ARFGEF3: variants seen among roughly 807,000 people sequenced by gnomAD.
ARFGEF3 encodes the protein brefeldin A-inhibited guanine nucleotide-exchange protein 3.
Under a neutral mutation model 221.7 loss-of-function variants are expected in ARFGEF3, and 96 were observed. That is an observed-to-expected ratio of 0.43 (90% CI 0.37 to 0.51). ARFGEF3 has a LOEUF of 0.51. Among genes scored for constraint, ARFGEF3 ranks in the 20% least tolerant of loss-of-function variants. ARFGEF3 has a pLI of 0.00. For missense variants in ARFGEF3, 2,410 were observed against 2,789.9 expected, an observed-to-expected ratio of 0.86 and a Z score of 3.07; for synonymous variants, 1,145 against 1,126.8, an observed-to-expected ratio of 1.02 and a Z score of -0.32.
rs919320318 is a variant in ARFGEF3, at chr6:138,242,349, C to T, written c.544-603C>T. ...TCTTTTCCTTCCTATTTTCCCTTCC[C>T]TCACAGTTCTGTCTCTGCCCTCATA... On this transcript the variant is annotated intron_variant, in intron 6 of 33. Transcript: ENST00000251691. Among the ~76,000 whole-genome samples the T allele has an allele frequency of 2.0e-5, 3 of 152,162 alleles. No individual in the cohort carries two copies. In the South Asian group the frequency reaches 6.2e-4, roughly 32 times the overall value.
In ARFGEF3 at chr6:138,327,107, G is replaced by A. The variant is rs138217127; in HGVS notation, c.5002-914G>A. Among the ~76,000 whole-genome samples the A allele has an allele frequency of 1.3e-3, 191 of 152,274 alleles. 1 individual carries two copies. Among genetic ancestry groups the A allele is most frequent in the African/African-American group, 4.2e-3 (175 of 41,560 alleles). Reference sequence around the variant, plus strand: ...CACACACTGGGCACCTGTGGGGAACGGGGGAGGGAGAGCATGAGAGCATCA... The same window carrying A: ...CACACACTGGGCACCTGTGGGGAACAGGGGAGGGAGAGCATGAGAGCATCA... On this transcript the variant is annotated intron_variant, in intron 31 of 33. Coordinates refer to ENST00000251691, the MANE Select transcript of ARFGEF3 (RefSeq NM_020340.5).
intron 7 of ARFGEF3, among the ~76,000 whole-genome samples, chr6:138,245,294 T>G (rs1778465032): frequency 6.6e-6 from 1 of 152,160 alleles, no homozygotes; most frequent in Non-Finnish European, 1.5e-5. Context: ...GGAGTGAGGC[T>G]CTGTCTCCAA....
chr6:138,180,520 CAG>C (rs1777057259), intron 2 of ARFGEF3, among the ~76,000 whole-genome samples: 1 of 152,070 alleles, frequency 6.6e-6, no homozygotes, highest in African/African-American at 2.4e-5. Context: ...CTTCTCTTTG[CAG>C]AGTCATACAA....
At chr6:138,256,584 T>G (rs1778686124) in intron 10 of ARFGEF3, among the ~76,000 whole-genome samples, 1 of 152,168 alleles carries the variant, frequency 6.6e-6, no homozygotes, top group South Asian at 2.1e-4. Flanking sequence ...TTTAATGAGA[T>G]TTTATTGTAA....
intron 12 of ARFGEF3, among the ~76,000 whole-genome samples, chr6:138,273,897 C>T (rs1341828582): frequency 6.6e-6 from 1 of 152,084 alleles, no homozygotes; most frequent in Non-Finnish European, 1.5e-5. Context: ...ACAAAATAGA[C>T]CTTATTTTGT....
At chr6:138,192,539 A>G (rs781603078) in intron 2 of ARFGEF3, among the ~76,000 whole-genome samples, 5 of 152,176 alleles carry the variant, frequency 3.3e-5, no homozygotes, top group Middle Eastern at 3.2e-3. Context: ...CCCTGGCTCT[A>G]TCTTTCAGAA....
chr6:138,272,091 C>T (rs780674964), intron 12 of ARFGEF3, among the ~76,000 whole-genome samples: 14 of 152,210 alleles, frequency 9.2e-5, no homozygotes, highest in Middle Eastern at 3.4e-3. Context: ...TGGGAACCTA[C>T]GCTAAAGGAA....
chr6:138,289,919 G>A lies in ARFGEF3; in HGVS notation c.2998G>A (p.Gly1000Ser), dbSNP rs2114633709. 1 of 1,613,858 alleles carries A rather than the reference G, an allele frequency of 6.2e-7. No individual in the cohort carries two copies. Among genetic ancestry groups the A allele is most frequent in the Non-Finnish European group, 8.5e-7 (1 of 1,179,836 alleles). Residue 1000 changes from glycine (G) to serine (S), a missense_variant, in exon 18 of 34, where the codon GGC (glycine) becomes AGC (serine). Physicochemically the swap from Gly to Ser is moderately conservative, Grantham distance 56. This residue lies in a region of ARFGEF3 where 594 missense variants were observed against 734.3 expected (regional missense o/e 0.81). Transcript: ENST00000251691. ...VLCMEAILSV[G>S]LEMGSHNPDC... ...GTGCATGGAGGCCATCCTCAGCGTA[G>A]GCCTGGAGATGGGAAGCCACAACCC...
At chr6:138,220,386 C>T (rs1207150252) in intron 4 of ARFGEF3, among the ~76,000 whole-genome samples, 1 of 152,128 alleles carries the variant, frequency 6.6e-6, no homozygotes, top group Non-Finnish European at 1.5e-5. Context: ...CCTTTAAGTA[C>T]AGTTTTAATG....
chr6:138,227,187 CTGT>C (rs71745352), intron 4 of ARFGEF3, among the ~76,000 whole-genome samples: 30,791 of 151,826 alleles, frequency 0.2, 4,830 homozygotes, highest in African/African-American at 0.42. Context: ...CTTCTGTGGA[CTGT>C]TGTTGCAGGG....
intron 12 of ARFGEF3, among the ~76,000 whole-genome samples, chr6:138,273,139 G>A (rs1779034494): frequency 6.6e-6 from 1 of 152,176 alleles, no homozygotes; most frequent in Admixed American, 6.5e-5. Flanking sequence ...ATCTCGCTTT[G>A]TGGTATTTTC....
chr6:138,215,155 G>A (rs1347805185), intron 4 of ARFGEF3, among the ~76,000 whole-genome samples: 2 of 152,196 alleles, frequency 1.3e-5, no homozygotes, highest in African/African-American at 2.4e-5. Context: ...CTTCTCTGAC[G>A]AGAGTAGTTA....
chr6:138,335,227 G>C, intron 33 of ARFGEF3, 39 bp downstream of exon 33: 1 of 1,492,972 alleles, frequency 6.7e-7, no homozygotes, highest in Non-Finnish European at 8.8e-7. Flanking sequence ...CGGGAGGCTG[G>C]GTTTCCAGTA....
At chr6:138,288,247 G>A (rs1779331784) in intron 17 of ARFGEF3, among the ~76,000 whole-genome samples, 1 of 152,130 alleles carries the variant, frequency 6.6e-6, no homozygotes, top group African/African-American at 2.4e-5. Context: ...AGCCAGGCAT[G>A]GTGGCATGTG....
intron 3 of ARFGEF3, 128 bp downstream of exon 3, chr6:138,207,251 G>A: frequency 1.5e-6 from 1 of 683,002 alleles, no homozygotes; most frequent in Non-Finnish European, 2.6e-6. Context: ...ATTGAACTAG[G>A]AAATAACTAT....
intron 2 of ARFGEF3, among the ~76,000 whole-genome samples, chr6:138,199,732 A>G (rs1777498386): frequency 6.6e-6 from 1 of 152,210 alleles, no homozygotes; most frequent in African/African-American, 2.4e-5. Flanking sequence ...TCTTTTATCC[A>G]GAAACTTTGC....
At chr6:138,227,886 A>G (rs1778116360) in intron 4 of ARFGEF3, among the ~76,000 whole-genome samples, 1 of 152,206 alleles carries the variant, frequency 6.6e-6, no homozygotes, top group African/African-American at 2.4e-5. Context: ...AAGACTGGAA[A>G]GAAGCCAATC....
At chr6:138,307,206 C>A (rs375348404) in intron 22 of ARFGEF3, 47 bp from the exon 23 acceptor site, 1 of 1,597,874 alleles carries the variant, frequency 6.3e-7, no homozygotes, top group African/African-American at 1.3e-5. Flanking sequence ...AAATTCTGCT[C>A]CTTTTAAGGA....
chr6:138,262,632 T>C (rs1778814635), intron 11 of ARFGEF3, 69 bp from the exon 12 acceptor site: 2 of 1,472,770 alleles, frequency 1.4e-6, no homozygotes, highest in Non-Finnish European at 1.8e-6. Flanking sequence ...GCTAACACTC[T>C]TGTTCCTTTC....
Sources: gnomAD v4.1 joint callset for allele counts (sites outside exome capture counted in the v4.1 genomes callset) on GRCh38, gnomAD v4.1.1 for gene constraint, gnomAD v4.1.1 regional missense constraint, MANE v1.5 for transcripts, NCBI Gene and HGNC (gene_info 2026-07-23, HGNC 2026-07-21) for gene names.